Variants in DNAH11 observed in about 807,000 individuals in gnomAD.
DNAH11 encodes axonemal beta dynein heavy chain 11.
Under a neutral mutation model 526.0 loss-of-function variants are expected in DNAH11, and 442 were observed. The ratio of observed to expected loss-of-function variants is 0.84; its 90% CI spans 0.78 to 0.91. The LOEUF is 0.91. Ranked by LOEUF, DNAH11 falls within the 40% of genes least tolerant of loss-of-function variation. DNAH11 has a pLI of 0.00. For missense variants in DNAH11, 6,989 were observed against 5,448.7 expected, an observed-to-expected ratio of 1.28 and a Z score of -8.90; for synonymous variants, 2,461 against 1,935.9, an observed-to-expected ratio of 1.27 and a Z score of -7.12.
At chr7:21,629,672 G>T (rs1337235297) in intron 25 of DNAH11, among the ~76,000 whole-genome samples, 1 of 151,970 alleles carries the variant, frequency 6.6e-6, no homozygotes, top group African/African-American at 2.4e-5. Context: ...TCATTATGTA[G>T]TTATCTTCTT....
intron 68 of DNAH11, among the ~76,000 whole-genome samples, chr7:21,855,839 C>T (rs1315717974): frequency 6.6e-6 from 1 of 151,974 alleles, no homozygotes; most frequent in East Asian, 1.9e-4. Context: ...TATATATGTA[C>T]ACATAGATAT....
chr7:21,627,485 C>T (rs1384190309), intron 25 of DNAH11, among the ~76,000 whole-genome samples: 1 of 152,136 alleles, frequency 6.6e-6, no homozygotes, highest in African/African-American at 2.4e-5. Flanking sequence ...TAGTTTCATT[C>T]TTCTGCATAT....
chr7:21,779,933 T>C (rs114194342), intron 57 of DNAH11, among the ~76,000 whole-genome samples: 1,921 of 152,296 alleles, frequency 0.013, 37 homozygotes, highest in African/African-American at 0.043. Flanking sequence ...GAATCGGTAG[T>C]GATTATGCCA....
intron 44 of DNAH11, among the ~76,000 whole-genome samples, chr7:21,721,095 G>T (rs1177759629): frequency 6.6e-6 from 1 of 152,152 alleles, no homozygotes; most frequent in African/African-American, 2.4e-5. Context: ...TGAAAGTTCT[G>T]TGTTTCTGGC....
At chr7:21,896,883 A>G (rs1784533418) in intron 79 of DNAH11, among the ~76,000 whole-genome samples, 1 of 152,048 alleles carries the variant, frequency 6.6e-6, no homozygotes, top group Non-Finnish European at 1.5e-5. Flanking sequence ...ACATAATGAG[A>G]CCCTGTCTCT....
rs761214072 is a variant in DNAH11, at chr7:21,589,409, G to A, written c.2169+6G>A. 2 of 1,587,160 alleles carry A rather than the reference G, an allele frequency of 1.3e-6. No homozygotes were observed. The highest frequency in any genetic ancestry group is 1.7e-6 in the Non-Finnish European group (2 of 1,169,866). ...GTGTCAATTTTGACCCAAAGGTAGG[G>A]ATTTGATTTTTTAAGATGATTTATA... On this transcript the variant is annotated splice_donor_region_variant and intron_variant, in intron 12 of 81. Transcript: ENST00000409508.
chr7:21,645,343 G>C (rs1346942254), intron 28 of DNAH11, among the ~76,000 whole-genome samples: 1 of 152,174 alleles, frequency 6.6e-6, no homozygotes, highest in African/African-American at 2.4e-5. Context: ...AACTAGAAAA[G>C]CTGGATAAAA....
At chr7:21,705,367 G>A (rs1784223804) in intron 38 of DNAH11, 93 bp from the exon 39 acceptor site, 1 of 1,256,096 alleles carries the variant, frequency 8.0e-7, no homozygotes, top group Admixed American at 1.9e-5. Flanking sequence ...GCTGGCTTGG[G>A]TGTAAGGAAA....
chr7:21,543,415 C>T lies in DNAH11; in HGVS notation c.170C>T (p.Ala57Val). 12 of 1,554,640 alleles carry T rather than the reference C, an allele frequency of 7.7e-6. No homozygotes were observed. The highest frequency in any genetic ancestry group is 9.6e-6 in the Non-Finnish European group (11 of 1,148,426). ...ARRARSFAQD[A>V]RVRFLGGRLA... is the part of the protein sequence containing the mutation. ...AGAGCGCGGAGTTTCGCCCAAGACG[C>T]GCGGGTGCGCTTCCTCGGCGGCCGC... The change falls in exon 1 of 82, where the codon GCG (alanine) becomes GTG (valine). Residue 57 changes from alanine (A) to valine (V), a missense_variant. Transcript: ENST00000409508.
chr7:21,624,460 G>A (rs1046457923), intron 25 of DNAH11, among the ~76,000 whole-genome samples: 2 of 152,210 alleles, frequency 1.3e-5, no homozygotes, highest in Admixed American at 6.5e-5. Flanking sequence ...GTTTTAGGAT[G>A]GAGCTGTTAG....
At chr7:21,786,157 A>AT (rs1788171490) in intron 58 of DNAH11, among the ~76,000 whole-genome samples, 1 of 152,148 alleles carries the variant, frequency 6.6e-6, no homozygotes, top group Non-Finnish European at 1.5e-5. Flanking sequence ...GTAATGGAAG[A>AT]TATTTCTTTC....
chr7:21,837,310 T>TA (rs1296189049), intron 65 of DNAH11, among the ~76,000 whole-genome samples: 7 of 152,180 alleles, frequency 4.6e-5, no homozygotes, highest in Non-Finnish European at 1.0e-4. Context: ...ATTGTTCACA[T>TA]TAGCCAAGAT....
intron 25 of DNAH11, among the ~76,000 whole-genome samples, chr7:21,622,963 C>G (rs1398988079): frequency 6.6e-6 from 1 of 152,148 alleles, no homozygotes; most frequent in African/African-American, 2.4e-5. Context: ...CCAAAATTGA[C>G]AAATGGGATC....
intron 9 of DNAH11, among the ~76,000 whole-genome samples, chr7:21,584,855 A>T (rs891310315): frequency 4.6e-5 from 7 of 152,018 alleles, no homozygotes; most frequent in Non-Finnish European, 1.0e-4. Flanking sequence ...TTGCCTTTAT[A>T]ACAGAATTCA....
intron 79 of DNAH11, among the ~76,000 whole-genome samples, chr7:21,897,424 G>A (rs1171307061): frequency 7.6e-6 from 1 of 131,252 alleles, no homozygotes; most frequent in Non-Finnish European, 1.7e-5. Flanking sequence ...CCGTGGAGAT[G>A]TCAAAAGCTA....
At chr7:21,762,082 C>T (rs1786945231) in intron 54 of DNAH11, among the ~76,000 whole-genome samples, 2 of 152,024 alleles carry the variant, frequency 1.3e-5, no homozygotes, top group Admixed American at 1.3e-4. Context: ...ATGAGAACTC[C>T]CTATCATGAG....
At chr7:21,832,842 C>T (rs1781843137) in intron 65 of DNAH11, among the ~76,000 whole-genome samples, 1 of 152,116 alleles carries the variant, frequency 6.6e-6, no homozygotes, top group Admixed American at 6.5e-5. Context: ...ACGCACAAAG[C>T]CTAAAATATT....
chr7:21,574,588 G>C (rs145885140), intron 8 of DNAH11, among the ~76,000 whole-genome samples: 16,413 of 109,444 alleles, frequency 0.15, 1,186 homozygotes, highest in East Asian at 0.25. Flanking sequence ...TTTTAAGACA[G>C]AGTCTCACTC....
intron 44 of DNAH11, among the ~76,000 whole-genome samples, chr7:21,724,666 A>T (rs1207211159): frequency 1.3e-5 from 2 of 149,668 alleles, no homozygotes; most frequent in Admixed American, 1.3e-4. Flanking sequence ...AGGTCATCCT[A>T]TGAATATAGG....
Sources: allele counts gnomAD v4.1 joint callset (sites outside exome capture counted in the v4.1 genomes callset), GRCh38; gene constraint gnomAD v4.1.1; transcripts MANE v1.5; gene names NCBI Gene and HGNC (gene_info 2026-07-23, HGNC 2026-07-21).